SMLR1: variants seen among roughly 807,000 people sequenced by gnomAD.
SMLR1 encodes small leucine rich protein 1.
SMLR1 carries 3 observed loss-of-function variants against 6.1 expected under a neutral mutation model. The observed-to-expected ratio is 0.49, with a 90% CI of 0.22 to 1.28. The LOEUF is 1.28. SMLR1 is among the 50% of genes most tolerant of loss of function. SMLR1 has a pLI of 0.19. For missense variants in SMLR1, 126 were observed against 124.8 expected, an observed-to-expected ratio of 1.01 and a Z score of -0.05; for synonymous variants, 55 against 53.6, an observed-to-expected ratio of 1.03 and a Z score of -0.11.
intron 1 of SMLR1, among the ~76,000 whole-genome samples, chr6:130,829,757 T>C (rs1774384471): frequency 6.6e-6 from 1 of 152,234 alleles, no homozygotes; most frequent in South Asian, 2.1e-4. Context: ...TCTGACATGC[T>C]ACTGAGCTTT....
intron 1 of SMLR1, 90 bp from the exon 2 acceptor site, chr6:130,834,780 C>A: frequency 9.4e-7 from 1 of 1,064,352 alleles, no homozygotes; most frequent in Non-Finnish European, 1.4e-6. Context: ...CCACCAGTGT[C>A]AGATATGCTG....
intron 1 of SMLR1, among the ~76,000 whole-genome samples, chr6:130,832,017 G>A (rs889575352): frequency 5.3e-5 from 8 of 152,172 alleles, no homozygotes; most frequent in African/African-American, 1.9e-4. Flanking sequence ...TTCAATCTGT[G>A]TCAATTTCCT....
In SMLR1 at chr6:130,833,927, T is replaced by G. The variant is rs943281016; in HGVS notation, c.239-943T>G. 3.3e-5 allele frequency among the ~76,000 whole-genome samples: 5 copies of G among 152,300 alleles called. 1 individual carries two copies. The East Asian group carries it at 9.7e-4, about 29-fold the overall frequency. On this transcript the variant is annotated intron_variant, in intron 1 of 1. Coordinates refer to ENST00000541421, the MANE Select transcript of SMLR1 (RefSeq NM_001195597.2). ...TAAGGGATAAATTGCATGGGCTTTATGTGGGAGCCTAAGAGAGCATTTTCA... is the reference window on the plus strand; with the variant it reads ...TAAGGGATAAATTGCATGGGCTTTAGGTGGGAGCCTAAGAGAGCATTTTCA...
intron 1 of SMLR1, among the ~76,000 whole-genome samples, chr6:130,833,001 T>C (rs573502836): frequency 6.6e-6 from 1 of 152,286 alleles, no homozygotes; most frequent in East Asian, 1.9e-4. Context: ...CAAATCACAT[T>C]TCTTTACCTG....
At chr6:130,833,932 G>A (rs73631076) in intron 1 of SMLR1, among the ~76,000 whole-genome samples, 6 of 152,252 alleles carry the variant, frequency 3.9e-5, no homozygotes, top group African/African-American at 1.4e-4. Flanking sequence ...CTTTATGTGG[G>A]AGCCTAAGAG....
intron 1 of SMLR1, among the ~76,000 whole-genome samples, chr6:130,830,779 AC>A (rs1331244921): frequency 6.6e-6 from 1 of 152,114 alleles, no homozygotes; most frequent in Non-Finnish European, 1.5e-5. Flanking sequence ...GATGACAGTG[AC>A]CTCTGGTCGC....
intron 1 of SMLR1, among the ~76,000 whole-genome samples, chr6:130,831,187 G>T (rs1583394891): frequency 6.6e-6 from 1 of 152,278 alleles, no homozygotes; most frequent in Middle Eastern, 3.4e-3. Context: ...CAAACCGGGT[G>T]AGAAATGTGG....
chr6:130,831,934 A>G (rs908241184), intron 1 of SMLR1, among the ~76,000 whole-genome samples: 5 of 152,160 alleles, frequency 3.3e-5, no homozygotes, highest in Admixed American at 1.3e-4. Context: ...GGTGCACATA[A>G]ATTTAATTAG....
chr6:130,829,194 C>T (rs1774366709), intron 1 of SMLR1, among the ~76,000 whole-genome samples: 1 of 152,088 alleles, frequency 6.6e-6, no homozygotes, highest in Non-Finnish European at 1.5e-5. Flanking sequence ...TCTAGATAGC[C>T]TCATGGATAT....
intron 1 of SMLR1, among the ~76,000 whole-genome samples, chr6:130,828,218 A>G (rs1774338329): frequency 6.6e-6 from 1 of 152,168 alleles, no homozygotes; most frequent in Admixed American, 6.5e-5. Flanking sequence ...CTTAAGGTGG[A>G]AAAAAACCAA....
At position 130,834,933 on chromosome 6, in the gene SMLR1, A is replaced by G; in HGVS notation, c.302A>G (p.Tyr101Cys). The G allele has an allele frequency of 6.5e-7, 1 of 1,534,610 alleles. No individual in the cohort carries two copies. The highest frequency in any genetic ancestry group is 2.0e-5 in the Admixed American group (1 of 50,970). The change falls in exon 2 of 2, where the codon TAC becomes TGC. Residue 101 changes from tyrosine to cysteine, a missense_variant. By Grantham distance (194) the Tyr-to-Cys change is radical. Transcript: ENST00000541421. The part of the protein sequence containing the change: ...QHNPKDGSSL[Y>C]QRMKWT ...AATCCCAAGGATGGCTCTTCCCTGT[A>G]CCAGAGAATGAAATGGACGTGAAGT...
intron 1 of SMLR1, among the ~76,000 whole-genome samples, chr6:130,830,893 C>CCG (rs1239517741): frequency 6.6e-6 from 1 of 152,204 alleles, no homozygotes; most frequent in African/African-American, 2.4e-5. Flanking sequence ...AATAACCGCC[C>CCG]CCCCGCGTTT....
In SMLR1 at chr6:130,834,601, T is replaced by C. The variant is rs77671920; in HGVS notation, c.239-269T>C. ...TTCAACTTAATCAACAAAATCTAAA[T>C]ATACTTAGCATGTAACAATTCTCAT... On this transcript the variant is annotated intron_variant, in intron 1 of 1. Coordinates refer to ENST00000541421, the MANE Select transcript of SMLR1 (RefSeq NM_001195597.2). 8.5e-4 allele frequency among the ~76,000 whole-genome samples: 130 copies of C among 152,294 alleles called. 1 individual carries two copies. The highest frequency in any genetic ancestry group is 2.9e-3 in the African/African-American group (121 of 41,574).
intron 1 of SMLR1, among the ~76,000 whole-genome samples, chr6:130,830,242 G>A (rs1214675817): frequency 1.3e-5 from 2 of 152,082 alleles, no homozygotes; most frequent in Non-Finnish European, 2.9e-5. Context: ...CACTTCACCA[G>A]AGGCAGGATC....
chr6:130,836,323 ATC>A lies in SMLR1; in HGVS notation c.*1372_*1373del, dbSNP rs1447909968. Reference sequence around the variant, plus strand: ...CAATATTCTTTCAGTTTTGGGAGAGATCTCTTTTTAGCCCCTGGGGGAAATCA... The same window carrying A: ...CAATATTCTTTCAGTTTTGGGAGAGATCTTTTTAGCCCCTGGGGGAAATCA... On this transcript the variant is annotated 3_prime_UTR_variant, in exon 2 of 2. Transcript: ENST00000541421. The A allele has an allele frequency of 6.6e-6, 1 of 152,160 alleles. No homozygotes were observed. Among genetic ancestry groups the A allele is most frequent in the Non-Finnish European group, 1.5e-5 (1 of 68,006 alleles). The allele number at this position is 152,160 out of a possible 1,614,324, so 9.4% of individuals were successfully genotyped here.
At position 130,827,591 on chromosome 6, in the gene SMLR1, C is replaced by G. The variant is rs919017330; in HGVS notation, c.178C>G (p.Leu60Val). ...CTGGTTCCTGTTCTTTGGGGTCTTCCTCCCCGTGACTTTGCTGCTGCTCCT... is the reference window on the plus strand; with the variant it reads ...CTGGTTCCTGTTCTTTGGGGTCTTCGTCCCCGTGACTTTGCTGCTGCTCCT... The part of the protein sequence containing the change: ...PGWFLFFGVF[L>V]PVTLLLLLLI... The change falls in exon 1 of 2, where the codon CTC becomes GTC. Residue 60 changes from leucine (L) to valine (V), a missense_variant. Physicochemically the swap from Leu to Val is conservative, Grantham distance 32 (BLOSUM62 1). Transcript: ENST00000541421. 48 of 1,535,800 alleles carry G rather than the reference C, an allele frequency of 3.1e-5. No homozygotes were observed. In the Admixed American group the frequency reaches 9.2e-4, roughly 30 times the overall value.
chr6:130,827,983 T>C (rs910411578), intron 1 of SMLR1, among the ~76,000 whole-genome samples: 4 of 152,318 alleles, frequency 2.6e-5, no homozygotes, highest in African/African-American at 9.6e-5. Flanking sequence ...TGTGAAAACA[T>C]TGTTCATGGT....
chr6:130,830,867 A>G (rs1554222461), intron 1 of SMLR1, among the ~76,000 whole-genome samples: 1 of 152,150 alleles, frequency 6.6e-6, no homozygotes, highest in Non-Finnish European at 1.5e-5. Context: ...TACATGGCCT[A>G]AAAAGGGGTG....
Position 130,827,445 on chromosome 6 carries a change from A to T in SMLR1, c.32A>T (p.Lys11Ile). Residue 11 changes from lysine to isoleucine, a missense_variant, in exon 1 of 2, where the codon AAA becomes ATA. Lys to Ile is a moderately radical substitution (Grantham distance 102). Transcript: ENST00000541421. ...AGCAAAGGCCGGAGCCCCAGAAGAAAACAAGTACAGACTCAGAGGAAAGCT... is the reference window on the plus strand; with the variant it reads ...AGCAAAGGCCGGAGCCCCAGAAGAATACAAGTACAGACTCAGAGGAAAGCT... MLSKGRSPRRKQVQTQRKAAL... is the reference protein window; with the variant it reads MLSKGRSPRRIQVQTQRKAAL... 6.5e-7 allele frequency: 1 copy of T among 1,535,998 alleles called. No individual in the cohort carries two copies. The highest frequency in any genetic ancestry group is 8.7e-7 in the Non-Finnish European group (1 of 1,146,834).
Sources: allele counts gnomAD v4.1 joint callset (sites outside exome capture counted in the v4.1 genomes callset), GRCh38; gene constraint gnomAD v4.1.1; transcripts MANE v1.5; gene names NCBI Gene and HGNC (gene_info 2026-07-23, HGNC 2026-07-21).